IFT140: variants seen among roughly 807,000 people sequenced by gnomAD.
IFT140 encodes intraflagellar transport protein 140 homolog.
IFT140 carries 133 observed loss-of-function variants against 164.6 expected under a neutral mutation model. The observed-to-expected ratio is 0.81, with a 90% CI of 0.70 to 0.93. IFT140 has a LOEUF of 0.93. Ranked by LOEUF, IFT140 falls within the 40% of genes least tolerant of loss-of-function variation. The pLI is 0.00. For missense variants in IFT140, 2,045 were observed against 1,972.3 expected (o/e 1.04, Z -0.70); for synonymous variants, 860 against 817.3 (o/e 1.05, Z -0.89).
rs2032834029 is a variant in IFT140 at position 1,553,348 on chromosome 16, T to C, written c.2399+4587A>G. On this transcript the variant is annotated intron_variant, in intron 19 of 30. Transcript: ENST00000426508. The surrounding 1 kb of genome is among the most constrained non-coding windows in gnomAD (Gnocchi z 4.4). ...TGTCCCTGTGTCTCTTTTTCTCCCA[T>C]CCTCTCTCGATGCTGGGGCCACACA... 1.0e-6 allele frequency: 1 copy of C among 985,238 alleles called. No homozygotes were observed. The highest frequency in any genetic ancestry group is 6.2e-5 in the Admixed American group (1 of 16,254). The allele number at this position is 985,238 out of a possible 1,614,324, so 61.0% of individuals were successfully genotyped here.
intron 13 of IFT140, chr16:1,577,521 T>A (rs58218695): frequency 6.6e-6 from 1 of 152,276 alleles, no homozygotes; most frequent in East Asian, 1.9e-4. Context: ...CTCAGGTGGT[T>A]GGCGCCCCTA....
intron 19 of IFT140, among the ~76,000 whole-genome samples, chr16:1,546,985 ACT>A (rs1403749497): frequency 2.0e-5 from 3 of 151,972 alleles, no homozygotes; most frequent in Admixed American, 1.3e-4. Context: ...CTCACATGAC[ACT>A]CTCTGCATCC....
chr16:1,581,299 A>G (rs1049542700), intron 12 of IFT140, among the ~76,000 whole-genome samples: 1 of 152,232 alleles, frequency 6.6e-6, no homozygotes, highest in Non-Finnish European at 1.5e-5. Flanking sequence ...TTGCAGCAAC[A>G]TAATAGATAA....
intron 29 of IFT140, among the ~76,000 whole-genome samples, chr16:1,519,500 C>A (rs2040456480): frequency 6.6e-6 from 1 of 152,120 alleles, no homozygotes; most frequent in Non-Finnish European, 1.5e-5. Flanking sequence ...GAGGCATGAG[C>A]CCTCTGGTCA....
intron 19 of IFT140, among the ~76,000 whole-genome samples, chr16:1,536,540 C>G (rs531018313): frequency 1.3e-4 from 20 of 152,340 alleles, no homozygotes; most frequent in African/African-American, 4.8e-4. Flanking sequence ...ACAAGGGAAG[C>G]GTCACGGAAG....
chr16:1,580,035 C>G (rs1026610956), intron 13 of IFT140: 2 of 151,900 alleles, frequency 1.3e-5, no homozygotes, highest in African/African-American at 2.4e-5. Flanking sequence ...CGGGAGACAG[C>G]CTGGCTAAGG....
chr16:1,534,959 C>T (rs564776588), intron 19 of IFT140, among the ~76,000 whole-genome samples: 5 of 152,074 alleles, frequency 3.3e-5, no homozygotes, highest in Non-Finnish European at 5.9e-5. Flanking sequence ...AATCCTAGCG[C>T]TTTGGGAGGC....
intron 18 of IFT140, among the ~76,000 whole-genome samples, chr16:1,560,775 C>T (rs1005231524): frequency 6.6e-6 from 1 of 152,230 alleles, no homozygotes; most frequent in Non-Finnish European, 1.5e-5. Context: ...GTACAGAGTT[C>T]ATTCTTAACA....
At position 1,511,103 on chromosome 16, in the gene IFT140, G is replaced by T. The variant is rs758112795; in HGVS notation, c.4230C>A (p.Asn1410Lys). ...EEMRRRLPLA[N>K]MSYYVSPQAV... Reference sequence around the variant, plus strand: ...CCTGCGGGCTCACGTAGTAGGACATGTTGGCCAAGGGAAGCCGCCGCCGCA... The same window carrying T: ...CCTGCGGGCTCACGTAGTAGGACATTTTGGCCAAGGGAAGCCGCCGCCGCA... The change falls in exon 31 of 31, where the codon AAC (asparagine) becomes AAA (lysine). Residue 1410 changes from asparagine (N) to lysine (K), a missense_variant. Physicochemically the swap from Asn to Lys is moderately conservative, Grantham distance 94 (BLOSUM62 0). Transcript: ENST00000426508. 5.6e-6 allele frequency: 9 copies of T among 1,610,654 alleles called. No homozygotes were observed.
At chr16:1,568,477 G>A in intron 14 of IFT140, 143 bp from the exon 15 acceptor site, 1 of 658,844 alleles carries the variant, frequency 1.5e-6, no homozygotes, top group Non-Finnish European at 2.6e-6. Flanking sequence ...TGCACCATGA[G>A]GTGGGGCAAA....
At chr16:1,610,570 T>A (rs1223164393) in intron 2 of IFT140, 94 bp downstream of exon 2, 2 of 151,700 alleles carry the variant, frequency 1.3e-5, no homozygotes, top group Non-Finnish European at 2.9e-5. Context: ...GACGGGAGGG[T>A]CCCGACGCCC....
intron 17 of IFT140, among the ~76,000 whole-genome samples, chr16:1,563,149 G>C (rs928869162): frequency 6.6e-6 from 1 of 152,016 alleles, no homozygotes; most frequent in African/African-American, 2.4e-5. Context: ...CCCACAGCCT[G>C]TATCTTGAAG....
chr16:1,583,396 A>ACATTTG lies in IFT140; in HGVS notation c.1360-11_1360-10insCAAATG. The ACATTTG allele has an allele frequency of 6.2e-7, 1 of 1,613,742 alleles. No individual in the cohort carries two copies. Among genetic ancestry groups the ACATTTG allele is most frequent in the South Asian group, 1.1e-5 (1 of 91,070 alleles). On this transcript the variant is annotated splice_polypyrimidine_tract_variant and intron_variant, in intron 11 of 30. Coordinates refer to ENST00000426508, the MANE Select transcript of IFT140 (RefSeq NM_014714.4). ...AGACTGCGACAGCATCCTGAAAAGA[A>ACATTTG]CCACGGACATTCGAGGCAAAGGGCG...
At chr16:1,522,214 AGGTGTG>A (rs972933654) in intron 26 of IFT140, among the ~76,000 whole-genome samples, 2 of 151,800 alleles carry the variant, frequency 1.3e-5, no homozygotes, top group Non-Finnish European at 2.9e-5. Context: ...AAATTAACAC[AGGTGTG>A]GTGGTGGGCG....
chr16:1,534,442 G>C, intron 19 of IFT140: 1 of 1,611,594 alleles, frequency 6.2e-7, no homozygotes, highest in South Asian at 1.1e-5. Context: ...GACAGGACCC[G>C]GGGAGGGCCG....
intron 4 of IFT140, among the ~76,000 whole-genome samples, chr16:1,596,130 T>A (rs1244002831): frequency 6.6e-6 from 1 of 152,052 alleles, no homozygotes; most frequent in African/African-American, 2.4e-5. Flanking sequence ...AAAAATATTT[T>A]AAAAATAATG....
chr16:1,565,507 AGG>A (rs1388023376), intron 16 of IFT140, among the ~76,000 whole-genome samples: 2 of 151,084 alleles, frequency 1.3e-5, no homozygotes, highest in Admixed American at 1.3e-4. Flanking sequence ...GTAATGGAGG[AGG>A]GAAAAAAAAA....
Position 1,518,296 on chromosome 16 carries a change from C to G in IFT140, c.4102G>C (p.Asp1368His). The change falls in exon 30 of 31, where the codon GAC (aspartate) becomes CAC (histidine). Residue 1368 changes from aspartate (D) to histidine (H), a missense_variant. Physicochemically the swap from Asp to His is moderately conservative, Grantham distance 81. Transcript: ENST00000426508. ...CCGATGCGGATGGTGCTGTCCAGGT[C>G]TGGTTCCTCCAGGAGCAGCTCACAC... ...KQCELLLEEP[D>H]LDSTIRIGDV... is the part of the protein sequence containing the mutation. 1 of 1,614,148 alleles carries G rather than the reference C, an allele frequency of 6.2e-7. No homozygotes were observed. Among genetic ancestry groups the G allele is most frequent in the African/African-American group, 1.3e-5 (1 of 75,052 alleles).
intron 4 of IFT140, among the ~76,000 whole-genome samples, chr16:1,597,849 T>A (rs986051442): frequency 2.6e-5 from 4 of 152,214 alleles, no homozygotes; most frequent in African/African-American, 9.6e-5. Flanking sequence ...CTCAAACTCC[T>A]GGGCTCAAGT....
Sources: allele counts gnomAD v4.1 joint callset (sites outside exome capture counted in the v4.1 genomes callset), GRCh38; gene constraint gnomAD v4.1.1; non-coding constraint Gnocchi (gnomAD v3.1); transcripts MANE v1.5; gene names NCBI Gene and HGNC (gene_info 2026-07-23, HGNC 2026-07-21).